CFAP299: variants seen among roughly 807,000 people sequenced by gnomAD.
CFAP299 encodes cilia- and flagella-associated protein 299.
In CFAP299, 21 loss-of-function variants were observed where a neutral mutation model predicts 27.0. The ratio of observed to expected loss-of-function variants is 0.78; its 90% CI spans 0.55 to 1.12. The LOEUF is 1.12. CFAP299 is among the 50% of genes most tolerant of loss of function. CFAP299 has a pLI of 0.00. For missense variants in CFAP299, 310 were observed against 276.6 expected (o/e 1.12, Z -0.86); for synonymous variants, 104 against 98.1 (o/e 1.06, Z -0.36).
chr4:80,962,378 A>AT (rs1482709374), intron 5 of CFAP299, among the ~76,000 whole-genome samples: 2 of 151,952 alleles, frequency 1.3e-5, no homozygotes, highest in African/African-American at 2.4e-5. Context: ...ATAGGTCTCT[A>AT]TACAGGGCAA....
intron 5 of CFAP299, among the ~76,000 whole-genome samples, chr4:80,953,419 T>C (rs1390321312): frequency 6.6e-6 from 1 of 152,186 alleles, no homozygotes; most frequent in Admixed American, 6.5e-5. Flanking sequence ...CATTTTCTCC[T>C]CTGGGTAATC....
intron 3 of CFAP299, among the ~76,000 whole-genome samples, chr4:80,709,450 C>T (rs1243462265): frequency 1.3e-5 from 2 of 152,086 alleles, no homozygotes; most frequent in Non-Finnish European, 2.9e-5. Flanking sequence ...TGATATAAGT[C>T]ATTACTACTA....
At chr4:80,562,919 G>A (rs1280825857) in intron 2 of CFAP299, among the ~76,000 whole-genome samples, 1 of 151,796 alleles carries the variant, frequency 6.6e-6, no homozygotes, top group Non-Finnish European at 1.5e-5. Flanking sequence ...ACAAAAAAAT[G>A]TTTCAGACAA....
chr4:80,501,807 A>G (rs1297400351), intron 2 of CFAP299, among the ~76,000 whole-genome samples: 1 of 151,648 alleles, frequency 6.6e-6, no homozygotes, highest in Non-Finnish European at 1.5e-5. Flanking sequence ...CAAAGCATAC[A>G]AAGTATAGTA....
In CFAP299 at chr4:80,724,576, T is replaced by A. The variant is rs143494428; in HGVS notation, c.333+141393T>A. ...TAGGTAAGCCTATTTCGTCACTGAC[T>A]TTTTTTGGAATTGATGGCTCAAAAT... On this transcript the variant is annotated intron_variant, in intron 3 of 5. Coordinates refer to ENST00000358105, the MANE Select transcript of CFAP299 (RefSeq NM_152770.3). 1.7e-4 allele frequency among the ~76,000 whole-genome samples: 26 copies of A among 152,146 alleles called. 2 individuals carry two copies. The East Asian group carries it at 5.0e-3, about 29-fold the overall frequency.
chr4:80,534,784 C>T (rs929401223), intron 2 of CFAP299, among the ~76,000 whole-genome samples: 8 of 152,012 alleles, frequency 5.3e-5, no homozygotes, highest in Admixed American at 5.2e-4. Context: ...TTATGAGTCA[C>T]AGTGAGATAT....
intron 3 of CFAP299, among the ~76,000 whole-genome samples, chr4:80,620,992 C>T (rs1257600661): frequency 2.6e-5 from 4 of 152,072 alleles, no homozygotes; most frequent in Admixed American, 2.6e-4. Flanking sequence ...CCAAGTTCCG[C>T]ACTTACCTAA....
chr4:80,693,654 C>T (rs982600703), intron 3 of CFAP299, among the ~76,000 whole-genome samples: 2 of 150,868 alleles, frequency 1.3e-5, no homozygotes, highest in African/African-American at 4.9e-5. Flanking sequence ...AACTAACCTG[C>T]ACATTGTGCA....
intron 2 of CFAP299, among the ~76,000 whole-genome samples, chr4:80,450,585 A>T (rs1728852070): frequency 6.6e-6 from 1 of 152,102 alleles, no homozygotes; most frequent in Non-Finnish European, 1.5e-5. Flanking sequence ...ACTGATGGTT[A>T]GGTTAGTTTA....
intron 3 of CFAP299, among the ~76,000 whole-genome samples, chr4:80,612,646 A>G (rs1738052184): frequency 6.6e-6 from 1 of 152,104 alleles, no homozygotes; most frequent in South Asian, 2.1e-4. Context: ...TTATTAAATA[A>G]TTTTCTGTGG....
At chr4:80,703,097 T>C (rs1002728396) in intron 3 of CFAP299, among the ~76,000 whole-genome samples, 124 of 151,886 alleles carry the variant, frequency 8.2e-4, no homozygotes, top group African/African-American at 2.8e-3. Context: ...CATATGTCTA[T>C]TTAATAAAGA....
intron 1 of CFAP299, among the ~76,000 whole-genome samples, chr4:80,352,135 C>T (rs894669293): frequency 6.6e-6 from 1 of 152,118 alleles, no homozygotes; most frequent in East Asian, 1.9e-4. Flanking sequence ...ATGCCAGATC[C>T]TCAAAATGCG....
intron 3 of CFAP299, among the ~76,000 whole-genome samples, chr4:80,624,589 A>G (rs1017900020): frequency 6.6e-6 from 1 of 152,048 alleles, no homozygotes; most frequent in Non-Finnish European, 1.5e-5. Flanking sequence ...TAGCAGAACA[A>G]TTTTCAAATC....
chr4:80,333,176 G>C (rs972169659), upstream of CFAP299, among the ~76,000 whole-genome samples: 18 of 152,194 alleles, frequency 1.2e-4, 1 homozygote, highest in Admixed American at 1.2e-3. Context: ...CTCCAGGACA[G>C]AGAAGCAGTG....
chr4:80,701,018 T>C (rs965439079), intron 3 of CFAP299, among the ~76,000 whole-genome samples: 1 of 152,006 alleles, frequency 6.6e-6, no homozygotes, highest in Non-Finnish European at 1.5e-5. Flanking sequence ...AAGCATGAGG[T>C]GTAAGAGGCT....
intron 4 of CFAP299, among the ~76,000 whole-genome samples, chr4:80,891,444 G>A (rs1168537792): frequency 3.3e-5 from 5 of 151,068 alleles, no homozygotes; most frequent in African/African-American, 1.2e-4. Context: ...CATAAAAAAT[G>A]ATGAGTTCAT....
intron 2 of CFAP299, among the ~76,000 whole-genome samples, chr4:80,412,831 C>G (rs1726793645): frequency 6.6e-6 from 1 of 152,150 alleles, no homozygotes; most frequent in African/African-American, 2.4e-5. Context: ...AAAGTAATCT[C>G]AGTTCATAGG....
At chr4:80,646,165 ATCT>A (rs900063072) in intron 3 of CFAP299, among the ~76,000 whole-genome samples, 5 of 152,206 alleles carry the variant, frequency 3.3e-5, no homozygotes, top group African/African-American at 1.2e-4. Flanking sequence ...AGTGTCTGTC[ATCT>A]TGCTCTGAGC....
At chr4:80,569,705 T>G (rs1055439381) in intron 2 of CFAP299, among the ~76,000 whole-genome samples, 1 of 151,946 alleles carries the variant, frequency 6.6e-6, no homozygotes, top group Non-Finnish European at 1.5e-5. Context: ...AGAAAAAACT[T>G]TCCACATTAA....
Sources: allele counts gnomAD v4.1 joint callset (sites outside exome capture counted in the v4.1 genomes callset), GRCh38; gene constraint gnomAD v4.1.1; transcripts MANE v1.5; gene names NCBI Gene and HGNC (gene_info 2026-07-23, HGNC 2026-07-21).